PIEZO1: variants seen among roughly 807,000 people sequenced by gnomAD.
PIEZO1 encodes piezo type mechanosensitive ion channel component 1 (Er blood group), also known as piezo-type mechanosensitive ion channel component 1.
A neutral mutation model predicts 297.2 loss-of-function variants in PIEZO1; 296 were observed. The observed-to-expected ratio is 1.00, with a 90% confidence interval of 0.91 to 1.10. The LOEUF (loss-of-function observed/expected upper bound fraction) is 1.10, where lower values mean the gene tolerates loss of function less well. Ranked by LOEUF, PIEZO1 falls within the 50% of genes least tolerant of loss-of-function variation. The pLI is 0.00. For synonymous variants in PIEZO1, 2,427 were observed against 1,507.5 expected (o/e 1.61, Z -14.13); for missense variants, 5,018 against 3,455.5 (o/e 1.45, Z -11.34).
At chr16:88,734,296 C>T in intron 16 of PIEZO1, 60 bp downstream of exon 16, 1 of 1,407,902 alleles carries the variant, frequency 7.1e-7, no homozygotes, top group Non-Finnish European at 9.4e-7. Flanking sequence ...CCACCTGGCT[C>T]CCTCCCTGGC....
intron 1 of PIEZO1, among the ~76,000 whole-genome samples, chr16:88,769,121 G>C (rs1449180334): frequency 6.6e-6 from 1 of 152,230 alleles, no homozygotes; most frequent in East Asian, 1.9e-4. Flanking sequence ...TGGAATATTT[G>C]CACACGCATA....
chr16:88,737,820 G>A lies in PIEZO1; in HGVS notation c.1021-6C>T, dbSNP rs994425923. 4 of 1,535,776 alleles carry A rather than the reference G, an allele frequency of 2.6e-6. No individual in the cohort carries two copies. Among genetic ancestry groups the A allele is most frequent in the East Asian group, 2.4e-5 (1 of 40,908 alleles). ...CCCTTTGCCGCCTCCTTCCTCTGCAGAGACCAGCGTCTTGAGCCCAAACCA... is the reference window on the plus strand; with the variant it reads ...CCCTTTGCCGCCTCCTTCCTCTGCAAAGACCAGCGTCTTGAGCCCAAACCA... On this transcript the variant is annotated splice_polypyrimidine_tract_variant and splice_region_variant and intron_variant, in intron 8 of 50. Coordinates refer to ENST00000301015, the MANE Select transcript of PIEZO1 (RefSeq NM_001142864.4).
rs931420013 is a variant in PIEZO1 at position 88,725,473 on chromosome 16, C to A, written c.4105G>T (p.Val1369Leu). 3.9e-6 allele frequency: 6 copies of A among 1,519,566 alleles called. No individual in the cohort carries two copies. The African/African-American group carries it at 4.1e-5, about 11-fold the overall frequency. 94.1% of individuals were successfully genotyped at this position (1,519,566 alleles called of 1,614,324 possible). A position where few individuals can be genotyped will look rare whatever the true frequency, so the allele number is the denominator to read the frequency against. The part of the protein sequence containing the change: ...AKQEKHRQGR[V>L]DRSRPQDTLG... The stretch of plus-strand genomic sequence containing the variant: ...GTGTCCTGGGGGCGACTGCGGTCCA[C>A]CCGGCCCTGCCTGTGCTTCTCCTGC... The change falls in exon 29 of 51, where the codon GTG (valine) becomes TTG (leucine). Residue 1369 changes from valine to leucine, a missense_variant. Physicochemically the swap from Val to Leu is conservative, Grantham distance 32. Transcript: ENST00000301015.
chr16:88,753,661 G>A (rs373142400), intron 1 of PIEZO1, among the ~76,000 whole-genome samples: 62 of 152,314 alleles, frequency 4.1e-4, no homozygotes, highest in African/African-American at 1.2e-3. Context: ...CATCCCGGCC[G>A]CAGGGCCACG....
In PIEZO1 at chr16:88,723,113, G is replaced by A. The variant is rs959414542; in HGVS notation, c.4477C>T (p.Pro1493Ser). The A allele has an allele frequency of 1.2e-5, 18 of 1,548,478 alleles. No homozygotes were observed. The Admixed American group carries it at 2.6e-4, about 22-fold the overall frequency. Reference sequence around the variant, plus strand: ...CACGTACCTGCCGCTGCCTCCTCGGGGCCCTCTGCTGGCTCCACCTCCTGG... The same window carrying A: ...CACGTACCTGCCGCTGCCTCCTCGGAGCCCTCTGCTGGCTCCACCTCCTGG... ...PSQEVEPAEG[P>S]EEAAAGRSHV... The change falls in exon 33 of 51, where the codon CCC (proline) becomes TCC (serine). Residue 1493 changes from proline to serine, a missense_variant. By Grantham distance (74) the Pro-to-Ser change is moderately conservative. Coordinates refer to ENST00000301015, the MANE Select transcript of PIEZO1 (RefSeq NM_001142864.4).
chr16:88,760,456 C>T (rs1906877317), intron 1 of PIEZO1, among the ~76,000 whole-genome samples: 1 of 152,264 alleles, frequency 6.6e-6, no homozygotes, highest in East Asian at 1.9e-4. Flanking sequence ...GAACCAACCC[C>T]TGTCATCTCA....
intron 19 of PIEZO1, 129 bp downstream of exon 19, chr16:88,733,149 C>T (rs1904981034): frequency 1.1e-6 from 1 of 879,160 alleles, no homozygotes; most frequent in South Asian, 1.8e-5. Flanking sequence ...CCCCTTGGCG[C>T]CCCCAGGGGA....
rs1219691041 is a variant in PIEZO1 at position 88,736,658 on chromosome 16, C to G, written c.1277G>C (p.Cys426Ser). 2 of 1,532,600 alleles carry G rather than the reference C, an allele frequency of 1.3e-6. No homozygotes were observed. The highest frequency in any genetic ancestry group is 8.7e-7 in the Non-Finnish European group (1 of 1,145,676). The allele number at this position is 1,532,600 out of a possible 1,614,324, so 94.9% of individuals were successfully genotyped here. A position where few individuals can be genotyped will look rare whatever the true frequency, so the allele number is the denominator to read the frequency against. ...GHLIMDQSYV[C>S]ALIAMMVWSI... Reference sequence around the variant, plus strand: ...GCCTACCATCATGGCAATGAGCGCGCACACATAGCTCTGGTCCATGATGAG... The same window carrying G: ...GCCTACCATCATGGCAATGAGCGCGGACACATAGCTCTGGTCCATGATGAG... The change falls in exon 11 of 51, where the codon TGC (cysteine) becomes TCC (serine). Residue 426 changes from cysteine (C) to serine (S), a missense_variant. Transcript: ENST00000301015.
chr16:88,736,388 G>C lies in PIEZO1; in HGVS notation c.1317C>G (p.His439Gln). 6.5e-7 allele frequency: 1 copy of C among 1,549,288 alleles called. No homozygotes were observed. The highest frequency in any genetic ancestry group is 8.7e-7 in the Non-Finnish European group (1 of 1,146,690). The change falls in exon 12 of 51, where the codon CAC becomes CAG. Residue 439 changes from histidine to glutamine, a missense_variant. His to Gln is a conservative substitution (Grantham distance 24). Coordinates refer to ENST00000301015, the MANE Select transcript of PIEZO1 (RefSeq NM_001142864.4). ...GCAGCAGTACGAAGGTCAGCCAGCT[G>C]TGGTAGGTGATGCTCCATACCTGCG... ...IAMMVWSITY[H>Q]SWLTFVLLLW... is the part of the protein sequence containing the mutation.
intron 1 of PIEZO1, among the ~76,000 whole-genome samples, chr16:88,764,409 G>A (rs1354782750): frequency 6.6e-6 from 1 of 152,162 alleles, no homozygotes; most frequent in African/African-American, 2.4e-5. Context: ...GTTCTAAAGT[G>A]TCCTCTGGGA....
At position 88,722,057 on chromosome 16, in the gene PIEZO1, G is replaced by C; in HGVS notation, c.4965C>G (p.Arg1655=). The C allele has an allele frequency of 6.5e-7, 1 of 1,546,168 alleles. No homozygotes were observed. Among genetic ancestry groups the C allele is most frequent in the Non-Finnish European group, 8.7e-7 (1 of 1,145,616 alleles). Residue 1655 remains arginine (R), a synonymous_variant, in exon 37 of 51, where the codon CGC becomes CGG. Transcript: ENST00000301015. ...ASELLLDRRL[R]IPELEEAELF... is the part of the protein sequence containing the mutation. ...GCTCTGCCTCCTCCAGCTCTGGGAT[G>C]CGCAGGCGCCTACAGGGAGACCCGC... is the stretch of plus-strand genomic sequence containing the variant.
rs982930359 is a variant in PIEZO1, at chr16:88,743,957, C to T, written c.161-1535G>A. On this transcript the variant is annotated intron_variant, in intron 2 of 50. Transcript: ENST00000301015. ...GCTGCAGCCCCGACACGAACAGGAG[C>T]CACCACCAGGGGGTGCTGTGCAGGG... The T allele has an allele frequency of 4.3e-5, 12 of 280,724 alleles. No homozygotes were observed. The East Asian group carries it at 1.1e-3, about 26-fold the overall frequency. 17.4% of individuals were successfully genotyped at this position (280,724 alleles called of 1,614,324 possible).
rs1294080360 is a variant in PIEZO1, at chr16:88,734,638, G to C, written c.1997+12C>G. 1.3e-6 allele frequency: 2 copies of C among 1,550,122 alleles called. No individual in the cohort carries two copies. Among genetic ancestry groups the C allele is most frequent in the Non-Finnish European group, 1.7e-6 (2 of 1,146,858 alleles). ...TCGGCGCCCCTGCCCCACCGCCCCA[G>C]CCTGGACTCACTGCTCGTCGGTGAA... is the stretch of plus-strand genomic sequence containing the variant. On this transcript the variant is annotated intron_variant, in intron 15 of 50. Transcript: ENST00000301015.
chr16:88,727,819 CTG>C (rs1436639678), intron 22 of PIEZO1, 158 bp from the exon 23 acceptor site: 3 of 437,030 alleles, frequency 6.9e-6, no homozygotes, highest in Non-Finnish European at 1.2e-5. Flanking sequence ...CTCTAGTGTC[CTG>C]TGTGTTCACA....
Position 88,737,832 on chromosome 16 carries a change from T to C in PIEZO1, c.1021-18A>G. The C allele has an allele frequency of 1.3e-6, 2 of 1,535,526 alleles. No homozygotes were observed. Among genetic ancestry groups the C allele is most frequent in the Middle Eastern group, 1.7e-4 (1 of 5,990 alleles). On this transcript the variant is annotated intron_variant, in intron 8 of 50. Coordinates refer to ENST00000301015, the MANE Select transcript of PIEZO1 (RefSeq NM_001142864.4). Reference sequence around the variant, plus strand: ...TCCTTCCTCTGCAGAGACCAGCGTCTTGAGCCCAAACCAGCTCCACACCCC... The same window carrying C: ...TCCTTCCTCTGCAGAGACCAGCGTCCTGAGCCCAAACCAGCTCCACACCCC...
At chr16:88,721,142 G>C (rs531664430) in intron 39 of PIEZO1, 24 bp downstream of exon 39, 2 of 1,467,168 alleles carry the variant, frequency 1.4e-6, no homozygotes, top group Non-Finnish European at 1.8e-6. Flanking sequence ...GTAGGCAGGA[G>C]GTTGTGAGGC....
intron 21 of PIEZO1, among the ~76,000 whole-genome samples, 186 bp from the exon 22 acceptor site, chr16:88,732,096 A>T (rs1202137929): frequency 1.3e-5 from 2 of 151,842 alleles, no homozygotes; most frequent in East Asian, 1.9e-4. Context: ...GTGCAGGGGA[A>T]ACTGAGGCTC....
chr16:88,717,271 C>T (rs771136947), intron 44 of PIEZO1, 60 bp from the exon 45 acceptor site: 66 of 1,455,878 alleles, frequency 4.5e-5, no homozygotes, highest in Admixed American at 2.9e-4. Flanking sequence ...GTCACACAAC[C>T]GCATTCTCCA....
Position 88,742,335 on chromosome 16 carries a change from A to T in PIEZO1, c.248T>A (p.Ile83Asn), listed in dbSNP as rs6500495. ...CAGGAGCTGGTCCAGGCGGGGCACA[A>T]TATGCAGGCAGATCTGGAGGGCGAG... ...AHLALQICLH[I>N]VPRLDQLLGP... Residue 83 changes from isoleucine to asparagine, a missense_variant, in exon 3 of 51, where the codon ATT (isoleucine) becomes AAT (asparagine). By Grantham distance (149) the Ile-to-Asn change is moderately radical. Coordinates refer to ENST00000301015, the MANE Select transcript of PIEZO1 (RefSeq NM_001142864.4). 1 of 1,535,408 alleles carries T rather than the reference A, an allele frequency of 6.5e-7. No homozygotes were observed. Among genetic ancestry groups the T allele is most frequent in the Non-Finnish European group, 8.7e-7 (1 of 1,146,616 alleles).
Sources: allele counts gnomAD v4.1 joint callset (sites outside exome capture counted in the v4.1 genomes callset), GRCh38; gene constraint gnomAD v4.1.1; transcripts MANE v1.5; gene names NCBI Gene and HGNC (gene_info 2026-07-23, HGNC 2026-07-21).